Variants in PLEKHG5 observed in about 807,000 individuals in gnomAD.
PLEKHG5 encodes the protein pleckstrin homology domain-containing family G member 5.
In PLEKHG5, 52 loss-of-function variants were observed where a neutral mutation model predicts 103.8. That is an observed-to-expected ratio of 0.50 (90% CI 0.40 to 0.63). PLEKHG5 has a LOEUF of 0.63. Among genes scored for constraint, PLEKHG5 ranks in the 30% least tolerant of loss-of-function variants. The pLI is 0.00. For synonymous variants in PLEKHG5, 592 were observed against 575.5 expected (o/e 1.03, Z -0.41); for missense variants, 1,205 against 1,347.6 (o/e 0.89, Z 1.66).
At chr1:6,489,116 T>C (rs748919516) in intron 1 of PLEKHG5, among the ~76,000 whole-genome samples, 1 of 152,148 alleles carries the variant, frequency 6.6e-6, no homozygotes, top group Non-Finnish European at 1.5e-5. Context: ...CCGAGCTCTC[T>C]GGCTGGAGGG....
At chr1:6,502,994 A>G (rs1645313283) in intron 1 of PLEKHG5, among the ~76,000 whole-genome samples, 1 of 152,176 alleles carries the variant, frequency 6.6e-6, no homozygotes, top group Non-Finnish European at 1.5e-5. Context: ...GAGGGTGTGC[A>G]TGGTGCATCT....
rs1453538050 is a variant in PLEKHG5 at position 6,486,663 on chromosome 1, C to T, written c.-88+4974G>A. On this transcript the variant is annotated intron_variant, in intron 1 of 20. Transcript: ENST00000377728. The surrounding 1 kb of genome is among the most constrained non-coding windows in gnomAD (Gnocchi z 5.3). ...ACCGCCAGGGGGCACTCAGCAAAGC[C>T]TGAGAGGACGCAAACGCCCAGACTC... 6.6e-6 allele frequency among the ~76,000 whole-genome samples: 1 copy of T among 152,240 alleles called. No individual in the cohort carries two copies. Among genetic ancestry groups the T allele is most frequent in the Non-Finnish European group, 1.5e-5 (1 of 68,046 alleles).
intron 1 of PLEKHG5, among the ~76,000 whole-genome samples, chr1:6,516,860 A>G (rs1355123703): frequency 4.2e-5 from 1 of 24,050 alleles, no homozygotes; most frequent in Non-Finnish European, 1.4e-4. Context: ...GTGTGTGTAT[A>G]TATGTGTATA....
At position 6,518,341 on chromosome 1, in the gene PLEKHG5, A is replaced by T. The variant is rs183990767; in HGVS notation, c.-165+1104T>A. Among the ~76,000 whole-genome samples, 187 of 151,594 alleles carry T rather than the reference A, an allele frequency of 1.2e-3. 1 individual carries two copies. Among genetic ancestry groups the T allele is most frequent in the Middle Eastern group, 6.8e-3 (2 of 294 alleles). ...TTTGGGAGGCCGAGGCAGGCAGATC[A>T]CCTGAGGTTGGGAGTTCAAGACCAG... is the stretch of plus-strand genomic sequence containing the variant. On this transcript the variant is annotated intron_variant, in intron 1 of 21. Transcript: ENST00000377740.
chr1:6,469,740 C>A, intron 16 of PLEKHG5, 64 bp from the exon 17 acceptor site: 1 of 1,551,272 alleles, frequency 6.4e-7, no homozygotes, highest in Non-Finnish European at 8.8e-7. Context: ...GACTGTGGCA[C>A]CAGCCTCCCC....
Position 6,467,578 on chromosome 1 carries a change from G to A in PLEKHG5, c.3012-6C>T. On this transcript the variant is annotated splice_polypyrimidine_tract_variant and splice_region_variant and intron_variant, in intron 20 of 20. Coordinates refer to ENST00000377728, the MANE Select transcript of PLEKHG5 (RefSeq NM_020631.6). ...CTCCCTCTGCTCAGACCTCCCTACA[G>A]GGTGGGGAGGGGACAGAGTCCTTCT... 6.2e-7 allele frequency: 1 copy of A among 1,612,484 alleles called. No homozygotes were observed.
chr1:6,492,613 C>T (rs1439101889), upstream of PLEKHG5, among the ~76,000 whole-genome samples: 1 of 152,144 alleles, frequency 6.6e-6, no homozygotes, highest in Non-Finnish European at 1.5e-5. Flanking sequence ...CCTTGCACAC[C>T]TACGCTGTGC....
Position 6,475,193 on chromosome 1 carries a change from C to CA in PLEKHG5, c.211-56_211-55insT, listed in dbSNP as rs1644724450. The CA allele has an allele frequency of 1.3e-5, 12 of 953,784 alleles. No homozygotes were observed. In the East Asian group the frequency reaches 1.5e-4, roughly 12 times the overall value. 59.1% of individuals were successfully genotyped at this position (953,784 alleles called of 1,614,324 possible). On this transcript the variant is annotated intron_variant, in intron 4 of 20. Coordinates refer to ENST00000377728, the MANE Select transcript of PLEKHG5 (RefSeq NM_020631.6). ...AGCTTCTCCTCACCGCCCTCATTCCCGCCCTCCTCCCCACCCTCCTTCCCA... is the reference window on the plus strand; with the variant it reads ...AGCTTCTCCTCACCGCCCTCATTCCCAGCCCTCCTCCCCACCCTCCTTCCCA...
At chr1:6,489,136 C>G (rs551301479) in intron 1 of PLEKHG5, among the ~76,000 whole-genome samples, 1 of 152,310 alleles carries the variant, frequency 6.6e-6, no homozygotes, top group South Asian at 2.1e-4. Context: ...GATGTCCTTG[C>G]CAGGAATTCC....
rs1384259850 is a variant in PLEKHG5 at position 6,471,233 on chromosome 1, C to T, written c.1282-133G>A. 4.8e-6 allele frequency: 4 copies of T among 827,222 alleles called. No individual in the cohort carries two copies. In the Admixed American group the frequency reaches 8.2e-5, roughly 17 times the overall value. The allele number at this position is 827,222 out of a possible 1,614,324, so 51.2% of individuals were successfully genotyped here. ...CCAAGGGGGCAGCAAGCTTATGATC[C>T]CTGTTTCCTGATGAGGAAACTGAGC... On this transcript the variant is annotated intron_variant, in intron 12 of 20. Transcript: ENST00000377728.
At chr1:6,467,802 C>T in intron 20 of PLEKHG5, 23 bp downstream of exon 20, 2 of 1,612,398 alleles carry the variant, frequency 1.2e-6, no homozygotes, top group Non-Finnish European at 1.7e-6. Flanking sequence ...GCCACCTGCC[C>T]TACCCCAGTC....
intron 1 of PLEKHG5, among the ~76,000 whole-genome samples, chr1:6,479,256 G>A (rs181866775): frequency 6.6e-6 from 1 of 150,526 alleles, no homozygotes; most frequent in East Asian, 2.0e-4. Context: ...AGTTTCACAC[G>A]TGGCATTTGG....
At chr1:6,514,351 A>G (rs1638556623) in intron 1 of PLEKHG5, among the ~76,000 whole-genome samples, 1 of 151,720 alleles carries the variant, frequency 6.6e-6, no homozygotes. Flanking sequence ...GCTACTCAGG[A>G]GGCTACGGAA....
At chr1:6,472,452 G>A (rs2148586830) in intron 10 of PLEKHG5, 75 bp downstream of exon 10, 2 of 1,063,162 alleles carry the variant, frequency 1.9e-6, no homozygotes, top group East Asian at 2.5e-5. Flanking sequence ...CTTCTGCAAA[G>A]GCTCAGACTC....
At chr1:6,512,483 A>G (rs1220885522) in intron 1 of PLEKHG5, among the ~76,000 whole-genome samples, 2 of 152,136 alleles carry the variant, frequency 1.3e-5, no homozygotes, top group African/African-American at 4.8e-5. Context: ...GAAGCCAGAC[A>G]GTGGGGCCCT....
chr1:6,485,898 CG>C, intron 1 of PLEKHG5: 1 of 986,540 alleles, frequency 1.0e-6, no homozygotes, highest in Non-Finnish European at 1.2e-6. Context: ...ACACCAATGC[CG>C]GGCTCAGAGG....
At chr1:6,494,827 G>A (rs1339144180), upstream of PLEKHG5, among the ~76,000 whole-genome samples, 1 of 152,220 alleles carries the variant, frequency 6.6e-6, no homozygotes, top group Non-Finnish European at 1.5e-5. Flanking sequence ...CGTCCCAGTA[G>A]TGACAGGGCC....
chr1:6,479,332 G>A (rs1308193116), intron 1 of PLEKHG5, among the ~76,000 whole-genome samples: 1 of 148,428 alleles, frequency 6.7e-6, no homozygotes, highest in Non-Finnish European at 1.5e-5. Flanking sequence ...TGTCGCCCAG[G>A]CTGGAGTGCA....
chr1:6,497,244 C>T (rs1645240423), upstream of PLEKHG5: 1 of 881,532 alleles, frequency 1.1e-6, no homozygotes. This position sits in a 1 kb window ranked among gnomAD's most constrained non-coding sequence, Gnocchi z 6.1. Context: ...AGCGGGCCCT[C>T]CCCGGAGGAG....
Sources: allele counts gnomAD v4.1 joint callset (sites outside exome capture counted in the v4.1 genomes callset), GRCh38; gene constraint gnomAD v4.1.1; non-coding constraint Gnocchi (gnomAD v3.1); transcripts MANE v1.5; gene names NCBI Gene and HGNC (gene_info 2026-07-23, HGNC 2026-07-21).